Variants in FGD4 observed in about 807,000 individuals in gnomAD.
FGD4 encodes FYVE, RhoGEF and PH domain-containing protein 4.
FGD4 carries 42 observed loss-of-function variants against 102.0 expected under a neutral mutation model. The observed-to-expected ratio is 0.41, with a 90% CI of 0.32 to 0.53. The LOEUF (loss-of-function observed/expected upper bound fraction) is 0.53. FGD4 is among the 20% of genes least tolerant of loss of function. The pLI is 0.21. For missense variants in FGD4, 902 were observed against 1,078.2 expected, an observed-to-expected ratio of 0.84 and a Z score of 2.29; for synonymous variants, 380 against 375.7, an observed-to-expected ratio of 1.01 and a Z score of -0.13.
At position 32,610,834 on chromosome 12, in the gene FGD4, G is replaced by A; in HGVS notation, c.1602G>A (p.Met534Ile). ...ASHSNSAIRK[M>I]ENLKKLLEIY... Reference sequence around the variant, plus strand: ...ATTCTAATAGTGCAATAAGGAAAATGGTAAGTGGTTTTCGGAGGAGACAGG... The same window carrying A: ...ATTCTAATAGTGCAATAAGGAAAATAGTAAGTGGTTTTCGGAGGAGACAGG... Residue 534 changes from methionine (M) to isoleucine (I), a missense_variant and splice_region_variant, in exon 9 of 17, where the codon ATG (methionine) becomes ATA (isoleucine). By Grantham distance (10) the Met-to-Ile change is conservative (BLOSUM62 1). This residue lies in a region of FGD4 where 459 missense variants were observed against 619.0 expected (regional missense o/e 0.74). Coordinates refer to ENST00000534526, the MANE Select transcript of FGD4 (RefSeq NM_001370298.3). 4 of 1,613,620 alleles carry A rather than the reference G, an allele frequency of 2.5e-6. No individual in the cohort carries two copies. The highest frequency in any genetic ancestry group is 3.4e-6 in the Non-Finnish European group (4 of 1,179,790).
chr12:32,435,916 T>C (rs1449459024), intron 1 of FGD4, among the ~76,000 whole-genome samples: 1 of 152,220 alleles, frequency 6.6e-6, no homozygotes, highest in East Asian at 1.9e-4. Flanking sequence ...ACCAATACTT[T>C]CGTGTTCAAA....
intron 14 of FGD4, among the ~76,000 whole-genome samples, chr12:32,627,875 A>G (rs1950270922): frequency 6.6e-6 from 1 of 152,182 alleles, no homozygotes; most frequent in Non-Finnish European, 1.5e-5. Flanking sequence ...GGTTAATGAG[A>G]AAGTGGCGGG....
intron 1 of FGD4, among the ~76,000 whole-genome samples, chr12:32,532,582 TA>T: frequency 6.6e-6 from 1 of 152,016 alleles, no homozygotes; most frequent in East Asian, 1.9e-4. Flanking sequence ...TTTTTTTTTT[TA>T]AAGTGTTTGT....
At chr12:32,476,771 A>G (rs1943594368) in intron 1 of FGD4, among the ~76,000 whole-genome samples, 1 of 152,218 alleles carries the variant, frequency 6.6e-6, no homozygotes. Flanking sequence ...CATTTGGCAT[A>G]CAGTGGAATT....
At chr12:32,619,620 AGAC>A (rs1437844624) in intron 10 of FGD4, 75 bp from the exon 11 acceptor site, 13 of 1,488,480 alleles carry the variant, frequency 8.7e-6, no homozygotes, top group Non-Finnish European at 1.2e-5. Flanking sequence ...CAACAGAGTG[AGAC>A]TCTGTCTCAA....
intron 8 of FGD4, among the ~76,000 whole-genome samples, chr12:32,610,066 A>G (rs189953819): frequency 1.1e-3 from 163 of 152,324 alleles, no homozygotes; most frequent in Middle Eastern, 0.01. Flanking sequence ...GTATTTTCCC[A>G]AAGAAAGTAG....
At chr12:32,578,928 A>G (rs371172027) in intron 3 of FGD4, among the ~76,000 whole-genome samples, 1 of 148,390 alleles carries the variant, frequency 6.7e-6, no homozygotes, top group East Asian at 2.0e-4. Context: ...TCTTTCTCCT[A>G]TTCCTCCTTC....
chr12:32,593,173 T>C (rs1254592515), intron 4 of FGD4, among the ~76,000 whole-genome samples: 1 of 152,204 alleles, frequency 6.6e-6, no homozygotes, highest in Non-Finnish European at 1.5e-5. Flanking sequence ...ATAATAATGG[T>C]ATTTATTGTT....
chr12:32,400,536 G>C (rs1940613623), intron 1 of FGD4, among the ~76,000 whole-genome samples: 1 of 152,174 alleles, frequency 6.6e-6, no homozygotes. Flanking sequence ...TGTCAGTAAT[G>C]CGGTGTTTTG....
intron 10 of FGD4, among the ~76,000 whole-genome samples, chr12:32,619,044 A>G (rs1476385667): frequency 6.6e-6 from 1 of 152,200 alleles, no homozygotes; most frequent in Non-Finnish European, 1.5e-5. Flanking sequence ...TGTGTTTAAG[A>G]ACTTACAAAG....
At chr12:32,609,286 G>A (rs530314686) in intron 8 of FGD4, among the ~76,000 whole-genome samples, 1 of 152,220 alleles carries the variant, frequency 6.6e-6, no homozygotes, top group South Asian at 2.1e-4. Context: ...GGATGAACTC[G>A]GCTTGCCATC....
intron 11 of FGD4, among the ~76,000 whole-genome samples, chr12:32,620,626 A>G (rs1289047686): frequency 6.9e-6 from 1 of 144,086 alleles, no homozygotes. Context: ...TCCCAGGTTC[A>G]AGCTATTCTC....
At chr12:32,517,755 A>G (rs764359207) in intron 1 of FGD4, among the ~76,000 whole-genome samples, 6 of 152,084 alleles carry the variant, frequency 3.9e-5, no homozygotes, top group Non-Finnish European at 8.8e-5. Context: ...GCATGGTGGC[A>G]TGTGCCTGTA....
chr12:32,560,103 C>T (rs552487055), intron 1 of FGD4, among the ~76,000 whole-genome samples: 1 of 152,170 alleles, frequency 6.6e-6, no homozygotes, highest in Non-Finnish European at 1.5e-5. Flanking sequence ...TGTGAAAAAG[C>T]ATCCAGATTT....
At chr12:32,479,786 C>CTTTTTTTT (rs559968024) in intron 1 of FGD4, among the ~76,000 whole-genome samples, 11 of 106,586 alleles carry the variant, frequency 1.0e-4, no homozygotes, top group East Asian at 2.9e-4. Context: ...AAGCATTATT[C>CTTTTTTTT]TTTTTTTTTT....
At chr12:32,615,386 A>G (rs1949386066) in intron 10 of FGD4, among the ~76,000 whole-genome samples, 1 of 152,236 alleles carries the variant, frequency 6.6e-6, no homozygotes, top group African/African-American at 2.4e-5. Flanking sequence ...TAGTTGCACA[A>G]TTTACAACTA....
chr12:32,529,905 G>A (rs1243345880), intron 1 of FGD4, among the ~76,000 whole-genome samples: 1 of 151,506 alleles, frequency 6.6e-6, no homozygotes, highest in African/African-American at 2.4e-5. Flanking sequence ...AGGTTAATTG[G>A]GAAGTCTTCA....
intron 1 of FGD4, among the ~76,000 whole-genome samples, chr12:32,465,474 C>A (rs1214003737): frequency 6.6e-6 from 1 of 151,754 alleles, no homozygotes; most frequent in African/African-American, 2.4e-5. Context: ...TGGAGACCAT[C>A]CCGGCCAACA....
intron 1 of FGD4, among the ~76,000 whole-genome samples, chr12:32,462,219 T>G (rs569701956): frequency 6.6e-6 from 1 of 151,816 alleles, no homozygotes; most frequent in South Asian, 2.1e-4. Flanking sequence ...TTTTTTGCAG[T>G]GACCTCAGCT....
Sources: allele counts gnomAD v4.1 joint callset (sites outside exome capture counted in the v4.1 genomes callset), GRCh38; gene constraint gnomAD v4.1.1; regional missense constraint gnomAD v4.1.1; transcripts MANE v1.5; gene names NCBI Gene and HGNC (gene_info 2026-07-23, HGNC 2026-07-21).